ELAPOR1: variants seen among roughly 807,000 people sequenced by gnomAD.
ELAPOR1 encodes endosome/lysosome-associated apoptosis and autophagy regulator 1.
ELAPOR1 carries 77 observed loss-of-function variants against 119.7 expected under a neutral mutation model. The ratio of observed to expected loss-of-function variants is 0.64; its 90% CI spans 0.54 to 0.78. The LOEUF is 0.78. Among genes scored for constraint, ELAPOR1 ranks in the 30% least tolerant of loss-of-function variants. ELAPOR1 has a pLI of 0.00. For missense variants in ELAPOR1, 1,115 were observed against 1,270.4 expected, an observed-to-expected ratio of 0.88 and a Z score of 1.86; for synonymous variants, 481 against 487.2, an observed-to-expected ratio of 0.99 and a Z score of 0.17.
At chr1:109,191,258 A>G (rs1653413026) in intron 11 of ELAPOR1, 108 bp from the exon 12 acceptor site, 2 of 709,774 alleles carry the variant, frequency 2.8e-6, no homozygotes, top group Admixed American at 5.1e-5. Context: ...GCTTTCCATC[A>G]TACTCAGAAC....
At chr1:109,199,806 C>T in intron 18 of ELAPOR1, 48 bp from the exon 19 acceptor site, 3 of 1,598,754 alleles carry the variant, frequency 1.9e-6, no homozygotes, top group Non-Finnish European at 2.5e-6. Context: ...CAGATCTTCC[C>T]CACCCCTCCA....
intron 18 of ELAPOR1, among the ~76,000 whole-genome samples, chr1:109,199,151 A>C (rs190972942): frequency 2.3e-3 from 353 of 152,318 alleles, no homozygotes; most frequent in Non-Finnish European, 1.9e-3. Flanking sequence ...GGATCCTAGG[A>C]ATCTCTCTGC....
Position 109,189,075 on chromosome 1 carries a change from G to A in ELAPOR1, c.1229G>A (p.Arg410His), listed in dbSNP as rs141129560. ...GTTTGTGGTTCCCCAGACTGTACCCGCTGCCCTGCAGGGACTGAACCTGCT... is the reference window on the plus strand; with the variant it reads ...GTTTGTGGTTCCCCAGACTGTACCCACTGCCCTGCAGGGACTGAACCTGCT... ...GSYSNGSDCT[R>H]CPAGTEPAVG... Residue 410 changes from arginine to histidine, a missense_variant, in exon 10 of 22, where the codon CGC becomes CAC. By Grantham distance (29) the Arg-to-His change is conservative (BLOSUM62 0). Coordinates refer to ENST00000369939, the MANE Select transcript of ELAPOR1 (RefSeq NM_020775.5). 4.8e-5 allele frequency: 78 copies of A among 1,613,700 alleles called. 1 individual carries two copies. In the African/African-American group the frequency reaches 7.1e-4, roughly 15 times the overall value.
At chr1:109,142,879 C>T (rs966661638) in intron 1 of ELAPOR1, among the ~76,000 whole-genome samples, 8 of 151,714 alleles carry the variant, frequency 5.3e-5, no homozygotes, top group African/African-American at 9.7e-5. Flanking sequence ...TCATAATAGC[C>T]GAAAAAGTAG....
At chr1:109,202,615 A>T (rs1327161135) in intron 21 of ELAPOR1, among the ~76,000 whole-genome samples, 2 of 148,890 alleles carry the variant, frequency 1.3e-5, no homozygotes, top group African/African-American at 5.0e-5. Context: ...TAATTTTTGT[A>T]TTTTCGGTAG....
At chr1:109,189,823 G>T (rs1446688640) in intron 11 of ELAPOR1, 141 bp downstream of exon 11, 2 of 684,524 alleles carry the variant, frequency 2.9e-6, no homozygotes, top group Non-Finnish European at 5.1e-6. Flanking sequence ...AGAGGGTACA[G>T]TTTGACCGAG....
chr1:109,188,106 T>C, intron 8 of ELAPOR1, 71 bp from the exon 9 acceptor site: 1 of 1,525,170 alleles, frequency 6.6e-7, no homozygotes. Context: ...CCAGCCCCTA[T>C]CCTCAAGGTA....
intron 1 of ELAPOR1, among the ~76,000 whole-genome samples, chr1:109,137,393 G>T (rs1488197309): frequency 6.6e-6 from 1 of 151,922 alleles, no homozygotes; most frequent in Non-Finnish European, 1.5e-5. Context: ...TAGTAGAAAT[G>T]GGGTTTCTCT....
Position 109,164,707 on chromosome 1 carries a change from C to T in ELAPOR1, c.467+16C>T. The stretch of plus-strand genomic sequence containing the variant: ...ACTGTACTTCGTGAGTCTGCACACA[C>T]CCCCACCCCACCCCCAGCCCACTGG... On this transcript the variant is annotated intron_variant, in intron 3 of 21. Transcript: ENST00000369939. 1 of 1,598,226 alleles carries T rather than the reference C, an allele frequency of 6.3e-7. No individual in the cohort carries two copies. Among genetic ancestry groups the T allele is most frequent in the South Asian group, 1.1e-5 (1 of 90,022 alleles).
At chr1:109,193,036 G>A (rs557204464) in intron 14 of ELAPOR1, among the ~76,000 whole-genome samples, 162 bp downstream of exon 14, 2 of 152,196 alleles carry the variant, frequency 1.3e-5, no homozygotes, top group South Asian at 2.1e-4. Flanking sequence ...GGCTGTGACT[G>A]TGGAGGGTTA....
chr1:109,200,433 A>G (rs552865116), intron 20 of ELAPOR1, among the ~76,000 whole-genome samples, 196 bp downstream of exon 20: 1 of 152,334 alleles, frequency 6.6e-6, no homozygotes, highest in South Asian at 2.1e-4. Flanking sequence ...TGGATGTTAA[A>G]TTCTCAAAAG....
At chr1:109,138,675 A>T (rs907785953) in intron 1 of ELAPOR1, among the ~76,000 whole-genome samples, 153 of 151,776 alleles carry the variant, frequency 1.0e-3, no homozygotes, top group African/African-American at 3.5e-3. Context: ...AAACCCAATG[A>T]CGGTGTCAGG....
At chr1:109,187,704 T>C in intron 8 of ELAPOR1, 1 of 917,090 alleles carries the variant, frequency 1.1e-6, no homozygotes, top group African/African-American at 1.8e-5. Flanking sequence ...ATTTACCCAA[T>C]AAATAAAAGA....
At chr1:109,197,688 A>AGAGAGAGAGAGT (rs113482805) in intron 16 of ELAPOR1, 34 bp downstream of exon 16, 584 of 1,366,738 alleles carry the variant, frequency 4.3e-4, no homozygotes, top group South Asian at 4.3e-3. Context: ...CTTGTTTGAG[A>AGAGAGAGAGAGT]GTGTGTGTGT....
At chr1:109,157,056 T>C (rs1296632698) in intron 1 of ELAPOR1, among the ~76,000 whole-genome samples, 1 of 152,242 alleles carries the variant, frequency 6.6e-6, no homozygotes, top group African/African-American at 2.4e-5. Flanking sequence ...TGCACACAGC[T>C]TTGGACTTGG....
chr1:109,120,353 C>T lies in ELAPOR1; in HGVS notation c.153+6017C>T, dbSNP rs540773147. ...CAGAGGTTGCAGCAAGCCAAGATCA[C>T]GCCACTGTACTCCAGCCTGCGTGAC... On this transcript the variant is annotated intron_variant, in intron 1 of 21. Coordinates refer to ENST00000369939, the MANE Select transcript of ELAPOR1 (RefSeq NM_020775.5). Among the ~76,000 whole-genome samples the T allele has an allele frequency of 1.1e-4, 17 of 152,104 alleles. No individual in the cohort carries two copies. In the South Asian group the frequency reaches 1.5e-3, roughly 13 times the overall value.
intron 1 of ELAPOR1, 181 bp from the exon 2 acceptor site, chr1:109,161,713 A>C: frequency 3.4e-6 from 2 of 581,834 alleles, no homozygotes; most frequent in Non-Finnish European, 6.0e-6. Flanking sequence ...GTGGAAGGGA[A>C]TGATCCAAAT....
At chr1:109,131,663 C>A (rs142355554) in intron 1 of ELAPOR1, among the ~76,000 whole-genome samples, 1 of 151,992 alleles carries the variant, frequency 6.6e-6, no homozygotes, top group East Asian at 1.9e-4. Context: ...ATATAATGCA[C>A]GTATATAAGA....
intron 14 of ELAPOR1, 138 bp from the exon 15 acceptor site, chr1:109,194,283 T>A (rs2101121935): frequency 1.5e-6 from 1 of 663,042 alleles, no homozygotes; most frequent in East Asian, 2.7e-5. Flanking sequence ...CTTCTTTTAC[T>A]AGCCACTCCT....
Sources: allele counts gnomAD v4.1 joint callset (sites outside exome capture counted in the v4.1 genomes callset), GRCh38; gene constraint gnomAD v4.1.1; transcripts MANE v1.5; gene names NCBI Gene and HGNC (gene_info 2026-07-23, HGNC 2026-07-21).